The following TMCC2 variants were observed in gnomAD, a reference collection of about 807,000 sequenced individuals.
TMCC2 encodes the protein transmembrane and coiled-coil domain family 2, also known as transmembrane and coiled-coil domains protein 2.
A neutral mutation model predicts 49.4 loss-of-function variants in TMCC2; 16 were observed. That is an observed-to-expected ratio of 0.32 (90% CI 0.22 to 0.49). The LOEUF (loss-of-function observed/expected upper bound fraction) is 0.49. Ranked by LOEUF, TMCC2 falls within the 20% of genes least tolerant of loss-of-function variation. The pLI is 0.99. For missense variants in TMCC2, 762 were observed against 989.8 expected, an observed-to-expected ratio of 0.77 and a Z score of 3.09; for synonymous variants, 397 against 434.1, an observed-to-expected ratio of 0.91 and a Z score of 1.06.
chr1:205,229,261 T>C (rs1558638649), intron 1 of TMCC2: 1 of 460,918 alleles, frequency 2.2e-6, no homozygotes, highest in Non-Finnish European at 2.9e-6. Context: ...CGATCTCGGC[T>C]CACTGCAACC....
At chr1:205,235,160 AG>A (rs1659985691) in intron 1 of TMCC2, among the ~76,000 whole-genome samples, 1 of 152,110 alleles carries the variant, frequency 6.6e-6, no homozygotes. Flanking sequence ...AAGCAGGCAG[AG>A]GGTTGGAAGG....
At chr1:205,266,726 GA>G (rs1301699207) in intron 2 of TMCC2, among the ~76,000 whole-genome samples, 6 of 151,952 alleles carry the variant, frequency 3.9e-5, no homozygotes, top group Non-Finnish European at 8.8e-5. Flanking sequence ...TCTCCCAGGG[GA>G]AAAAAGGGAT....
At chr1:205,260,819 CATT>C (rs2102592625) in intron 2 of TMCC2, among the ~76,000 whole-genome samples, 1 of 152,156 alleles carries the variant, frequency 6.6e-6, no homozygotes, top group African/African-American at 2.4e-5. Flanking sequence ...CTTAGCCTAA[CATT>C]ATTGAGGTTC....
Position 205,272,349 on chromosome 1 carries a change from GT to G in TMCC2, c.*226del, listed in dbSNP as rs1199118351. 9.9e-6 allele frequency: 8 copies of G among 812,142 alleles called. No homozygotes were observed. In the African/African-American group the frequency reaches 1.2e-4, roughly 12 times the overall value. 50.3% of individuals were successfully genotyped at this position (812,142 alleles called of 1,614,324 possible). A position where few individuals can be genotyped will look rare whatever the true frequency, so the allele number is the denominator to read the frequency against. ...CTACCTGGAGATAGTGCGGGCACCT[GT>G]GGCCAAGTGGAGCAGAGGTGGACAT... On this transcript the variant is annotated 3_prime_UTR_variant, in exon 5 of 5. Coordinates refer to ENST00000358024, the MANE Select transcript of TMCC2 (RefSeq NM_014858.4).
chr1:205,265,968 G>A (rs1164424382), intron 2 of TMCC2, among the ~76,000 whole-genome samples: 3 of 151,688 alleles, frequency 2.0e-5, no homozygotes, highest in Non-Finnish European at 4.4e-5. Context: ...TGGGCTGGGC[G>A]TGGTGGCTCA....
rs1661600502 is a variant in TMCC2 at position 205,271,692 on chromosome 1, C to A, written c.1819-121C>A. 9 of 1,323,348 alleles carry A rather than the reference C, an allele frequency of 6.8e-6. No homozygotes were observed. The East Asian group carries it at 2.0e-4, about 30-fold the overall frequency. 82.0% of individuals were successfully genotyped at this position (1,323,348 alleles called of 1,614,324 possible). ...CAGTTGCAGCTGGTCAACCTCCACT[C>A]CTCCTGGCCTTTGGAGAGGAGACTT... On this transcript the variant is annotated intron_variant, in intron 4 of 4. Coordinates refer to ENST00000358024, the MANE Select transcript of TMCC2 (RefSeq NM_014858.4).
At chr1:205,240,075 C>CG (rs1660206799) in intron 1 of TMCC2, among the ~76,000 whole-genome samples, 1 of 152,232 alleles carries the variant, frequency 6.6e-6, no homozygotes, top group South Asian at 2.1e-4. Flanking sequence ...GGAAATCCTG[C>CG]TATGGCTCAT....
In TMCC2 at chr1:205,264,138, C is replaced by T. The variant is rs893131488; in HGVS notation, c.748-4812C>T. Among the ~76,000 whole-genome samples the T allele has an allele frequency of 6.6e-5, 10 of 152,280 alleles. No homozygotes were observed. In the South Asian group the frequency reaches 1.9e-3, roughly 28 times the overall value. On this transcript the variant is annotated intron_variant, in intron 2 of 4. Coordinates refer to ENST00000358024, the MANE Select transcript of TMCC2 (RefSeq NM_014858.4). The surrounding 1 kb of genome is among the most constrained non-coding windows in gnomAD (Gnocchi z 4.2). ...GTTAGTGTTTGAAGGAGATTGGTTC[C>T]AAGACCCCCTGCAGATACCAAAGTT...
At chr1:205,271,684 C>G (rs1003975942) in intron 4 of TMCC2, 129 bp from the exon 5 acceptor site, 3 of 1,245,546 alleles carry the variant, frequency 2.4e-6, no homozygotes, top group Non-Finnish European at 3.3e-6. Context: ...AGCTGGTCAA[C>G]CTCCACTCCT....
chr1:205,254,894 T>C (rs1479147404), intron 2 of TMCC2, among the ~76,000 whole-genome samples: 1 of 152,134 alleles, frequency 6.6e-6, no homozygotes, highest in Non-Finnish European at 1.5e-5. Flanking sequence ...TTCCTTTTCC[T>C]CTGCTTAATA....
intron 2 of TMCC2, among the ~76,000 whole-genome samples, chr1:205,253,369 A>T (rs1660742594): frequency 1.3e-5 from 2 of 152,196 alleles, no homozygotes; most frequent in Admixed American, 1.3e-4. Flanking sequence ...CAGAGAGAAG[A>T]GCCTGTGCCC....
At chr1:205,248,991 G>A (rs1440031612) in intron 2 of TMCC2, among the ~76,000 whole-genome samples, 2 of 152,138 alleles carry the variant, frequency 1.3e-5, no homozygotes, top group African/African-American at 4.8e-5. Flanking sequence ...GGCAGAGCTG[G>A]GAGGGCTTCT....
intron 1 of TMCC2, among the ~76,000 whole-genome samples, chr1:205,240,986 G>A (rs1363199839): frequency 1.3e-5 from 2 of 152,222 alleles, no homozygotes; most frequent in East Asian, 3.8e-4. Context: ...GCAATTAGCA[G>A]TGTCTGCTAC....
intron 2 of TMCC2, among the ~76,000 whole-genome samples, chr1:205,258,095 G>A (rs1660950975): frequency 1.3e-5 from 2 of 152,180 alleles, no homozygotes. Flanking sequence ...GTCAGGGCAG[G>A]AGGAAGAACT....
At position 205,257,132 on chromosome 1, in the gene TMCC2, G is replaced by A. The variant is rs570034433; in HGVS notation, c.748-11818G>A. 3.7e-5 allele frequency: 46 copies of A among 1,231,254 alleles called. No homozygotes were observed. In the South Asian group the frequency reaches 1.3e-3, roughly 34 times the overall value. 76.3% of individuals were successfully genotyped at this position (1,231,254 alleles called of 1,614,324 possible). A position where few individuals can be genotyped will look rare whatever the true frequency, so the allele number is the denominator to read the frequency against. The stretch of plus-strand genomic sequence containing the variant: ...CCTGCCAGATGGGAAGGAGCAGCCC[G>A]TGAGCCCCAGGGGAGGGGGAAATCT... On this transcript the variant is annotated intron_variant, in intron 2 of 4. Coordinates refer to ENST00000358024, the MANE Select transcript of TMCC2 (RefSeq NM_014858.4).
rs761637157 is a variant in TMCC2 at position 205,228,618 on chromosome 1, A to T, written c.54A>T (p.Gly18=). 1 of 1,613,204 alleles carries T rather than the reference A, an allele frequency of 6.2e-7. No individual in the cohort carries two copies. The highest frequency in any genetic ancestry group is 1.7e-5 in the Admixed American group (1 of 60,008). ...AGCAACAACAGGGCGAGGAGGATGG[A>T]GCTGGGCTGGAAGATGCCGCTTCCC... ...ELQQQQGEED[G]AGLEDAASHL... Residue 18 remains glycine, a synonymous_variant, in exon 1 of 5, where the codon GGA becomes GGT. Transcript: ENST00000358024.
In TMCC2 at chr1:205,265,563, CTTT is replaced by C. The variant is rs938828110; in HGVS notation, c.748-3373_748-3371del. Among the ~76,000 whole-genome samples the C allele has an allele frequency of 2.0e-4, 28 of 139,444 alleles. No individual in the cohort carries two copies. In the South Asian group the frequency reaches 5.6e-3, roughly 28 times the overall value. The allele number at this position is 139,444 out of a possible 152,430, so 91.5% of individuals were successfully genotyped here. A position where few individuals can be genotyped will look rare whatever the true frequency, so the allele number is the denominator to read the frequency against. ...CCAGACTCAGAACCCATTTTCTTTT[CTTT>C]TTTTTTTTTTTTTGAGACGGAGTCT... On this transcript the variant is annotated intron_variant, in intron 2 of 4. Coordinates refer to ENST00000358024, the MANE Select transcript of TMCC2 (RefSeq NM_014858.4).
intron 2 of TMCC2, among the ~76,000 whole-genome samples, chr1:205,244,111 C>T (rs756613769): frequency 3.0e-4 from 45 of 152,244 alleles, no homozygotes; most frequent in Non-Finnish European, 3.8e-4. Flanking sequence ...GGCCTGAAGC[C>T]AGTTTCTGTG....
At chr1:205,230,249 ATTG>A (rs1659737111) in intron 1 of TMCC2, 1 of 842,112 alleles carries the variant, frequency 1.2e-6, no homozygotes, top group African/African-American at 1.8e-5. Flanking sequence ...CGACTAGGTT[ATTG>A]TTGTGTGTGT....
Sources: gnomAD v4.1 joint callset for allele counts (sites outside exome capture counted in the v4.1 genomes callset) on GRCh38, gnomAD v4.1.1 for gene constraint, Gnocchi (gnomAD v3.1) non-coding constraint, MANE v1.5 for transcripts, NCBI Gene and HGNC (gene_info 2026-07-23, HGNC 2026-07-21) for gene names.